Variants in ABTB3 observed in about 807,000 individuals in gnomAD.
The protein encoded by ABTB3 is ankyrin repeat- and BTB/POZ domain-containing protein 3.
chr12:107,509,034 T>G, the ABTB3 span, among the ~76,000 whole-genome samples: 1 of 152,080 alleles, frequency 6.6e-6, no homozygotes, highest in Non-Finnish European at 1.5e-5. Flanking sequence ...CCCTAGATCT[T>G]TTAGGAGGAG....
At chr12:107,500,189 G>A in the ABTB3 span, among the ~76,000 whole-genome samples, 6 of 152,134 alleles carry the variant, frequency 3.9e-5, no homozygotes, top group Non-Finnish European at 8.8e-5. Flanking sequence ...ATTTGTTGTG[G>A]ATCCTGCTGC....
the ABTB3 span, among the ~76,000 whole-genome samples, chr12:107,348,607 C>T: frequency 6.6e-6 from 1 of 152,140 alleles, no homozygotes; most frequent in African/African-American, 2.4e-5. Flanking sequence ...CCCCTGTAGT[C>T]CCAGCTACTC....
the ABTB3 span, among the ~76,000 whole-genome samples, chr12:107,523,383 G>C: frequency 1.3e-5 from 2 of 152,356 alleles, no homozygotes; most frequent in South Asian, 4.1e-4. Context: ...TCAGTCCTGG[G>C]ATTCTTCTGA....
chr12:107,574,381 A>G, the ABTB3 span, among the ~76,000 whole-genome samples: 29 of 152,214 alleles, frequency 1.9e-4, no homozygotes, highest in African/African-American at 6.8e-4. Context: ...TACTCAAAAT[A>G]TGTTCCATAG....
the ABTB3 span, chr12:107,610,421 G>T: frequency 6.3e-7 from 1 of 1,579,194 alleles, no homozygotes. Context: ...TGGCAAGACA[G>T]AGACAGCCGG....
chr12:107,497,797 G>A, the ABTB3 span, among the ~76,000 whole-genome samples: 2 of 152,132 alleles, frequency 1.3e-5, no homozygotes, highest in Non-Finnish European at 2.9e-5. Context: ...GAGATGGTGG[G>A]CACATCCTTC....
chr12:107,385,896 C>T, the ABTB3 span, among the ~76,000 whole-genome samples: 1 of 152,176 alleles, frequency 6.6e-6, no homozygotes, highest in Non-Finnish European at 1.5e-5. Flanking sequence ...TAGCCTGAGC[C>T]AGGACCACAG....
the ABTB3 span, among the ~76,000 whole-genome samples, chr12:107,496,402 C>T: frequency 1.3e-5 from 2 of 152,106 alleles, no homozygotes; most frequent in African/African-American, 4.8e-5. Flanking sequence ...GATTAAATCT[C>T]CCTTGGAATT....
chr12:107,602,622 C>T, the ABTB3 span, among the ~76,000 whole-genome samples: 1 of 152,212 alleles, frequency 6.6e-6, no homozygotes, highest in South Asian at 2.1e-4. Context: ...GCCCCAAGAT[C>T]ACACAACTGC....
the ABTB3 span, among the ~76,000 whole-genome samples, chr12:107,487,436 C>G: frequency 3.9e-5 from 6 of 152,128 alleles, no homozygotes; most frequent in Non-Finnish European, 7.3e-5. Context: ...CTGCTGGGCT[C>G]TCACTAGGAA....
the ABTB3 span, among the ~76,000 whole-genome samples, chr12:107,431,593 G>C: frequency 6.6e-6 from 1 of 152,138 alleles, no homozygotes; most frequent in African/African-American, 2.4e-5. Context: ...TGGCCAACAA[G>C]AGCAAGACTC....
At chr12:107,423,686 G>A in the ABTB3 span, among the ~76,000 whole-genome samples, 1 of 152,188 alleles carries the variant, frequency 6.6e-6, no homozygotes, top group Admixed American at 6.5e-5. Flanking sequence ...GCTAAAAAAG[G>A]ATAGCTGAGT....
chr12:107,323,426 A>T, the ABTB3 span, among the ~76,000 whole-genome samples: 1 of 152,352 alleles, frequency 6.6e-6, no homozygotes, highest in Non-Finnish European at 1.5e-5. Flanking sequence ...AAGCAAAAGA[A>T]GGCTTAGGGG....
At chr12:107,632,031 G>C in the ABTB3 span, among the ~76,000 whole-genome samples, 2 of 152,172 alleles carry the variant, frequency 1.3e-5, no homozygotes, top group Non-Finnish European at 2.9e-5. Flanking sequence ...GAACAAGCAT[G>C]GCCAGCCCTT....
the ABTB3 span, among the ~76,000 whole-genome samples, chr12:107,469,920 T>TTCTTTCTCTCTCTCTCTC: frequency 5.9e-5 from 6 of 101,976 alleles, no homozygotes; most frequent in Admixed American, 9.3e-5. Context: ...CTTTCTTTCT[T>TTCTTTCTCTCTCTCTCTC]TCTCTCTCTC....
At chr12:107,477,731 C>G in the ABTB3 span, among the ~76,000 whole-genome samples, 2 of 152,066 alleles carry the variant, frequency 1.3e-5, no homozygotes, top group African/African-American at 2.4e-5. Context: ...TAAATGTGAA[C>G]TCAATGACAG....
At chr12:107,546,121 A>G in the ABTB3 span, among the ~76,000 whole-genome samples, 1 of 152,006 alleles carries the variant, frequency 6.6e-6, no homozygotes, top group African/African-American at 2.4e-5. Context: ...TTCTGTGTTT[A>G]TTTATTGCCT....
At chr12:107,462,076 A>C in the ABTB3 span, among the ~76,000 whole-genome samples, 1 of 152,138 alleles carries the variant, frequency 6.6e-6, no homozygotes, top group African/African-American at 2.4e-5. Flanking sequence ...GAACTTTGAG[A>C]CTTCAATCAG....
the ABTB3 span, among the ~76,000 whole-genome samples, chr12:107,320,333 A>G: frequency 6.6e-6 from 1 of 152,238 alleles, no homozygotes; most frequent in East Asian, 1.9e-4. Context: ...GCGGGGCGAC[A>G]GCTGCCTCCA....
Sources: gnomAD v4.1 joint callset for allele counts (sites outside exome capture counted in the v4.1 genomes callset) on GRCh38, gnomAD v4.1.1 for gene constraint, MANE v1.5 for transcripts, NCBI Gene and HGNC (gene_info 2026-07-23, HGNC 2026-07-21) for gene names.